The following SUGCT variants were observed in gnomAD, a reference collection of about 807,000 sequenced individuals.
SUGCT encodes succinyl-CoA:glutarate-CoA transferase, also known as succinyl-CoA:glutarate CoA-transferase.
SUGCT carries 41 observed loss-of-function variants against 55.0 expected under a neutral mutation model. That is an observed-to-expected ratio of 0.74 (90% CI 0.58 to 0.97). The LOEUF is 0.97. SUGCT is among the 50% of genes least tolerant of loss of function. SUGCT has a pLI of 0.00. For synonymous variants in SUGCT, 187 were observed against 200.4 expected (o/e 0.93, Z 0.56); for missense variants, 568 against 547.8 (o/e 1.04, Z -0.37).
chr7:40,938,600 C>T, the SUGCT span, among the ~76,000 whole-genome samples: 1 of 151,918 alleles, frequency 6.6e-6, no homozygotes, highest in Admixed American at 6.6e-5. Context: ...GCACCCATCA[C>T]TCAAATAGTG....
chr7:40,624,261 C>G (rs997202213), intron 12 of SUGCT, among the ~76,000 whole-genome samples: 1 of 152,136 alleles, frequency 6.6e-6, no homozygotes, highest in Non-Finnish European at 1.5e-5. Context: ...CTTTCTCCAC[C>G]AGGACCTTTT....
intron 12 of SUGCT, among the ~76,000 whole-genome samples, chr7:40,596,688 T>A (rs1454062347): frequency 1.3e-5 from 2 of 152,190 alleles, no homozygotes; most frequent in South Asian, 2.1e-4. Context: ...TGGATGGAGA[T>A]CTTCTTTCAG....
At chr7:40,189,809 A>G (rs1290706163) in intron 5 of SUGCT, among the ~76,000 whole-genome samples, 1 of 152,154 alleles carries the variant, frequency 6.6e-6, no homozygotes, top group Non-Finnish European at 1.5e-5. Context: ...GCTAGCTACT[A>G]TTGACTGAGC....
At chr7:40,939,498 T>C in the SUGCT span, among the ~76,000 whole-genome samples, 2 of 152,148 alleles carry the variant, frequency 1.3e-5, no homozygotes, top group African/African-American at 2.4e-5. Flanking sequence ...GTGCACTGAT[T>C]TATATTCCCA....
chr7:40,291,477 G>A (rs1343518971), intron 8 of SUGCT, among the ~76,000 whole-genome samples: 2 of 138,306 alleles, frequency 1.4e-5, no homozygotes, highest in African/African-American at 2.7e-5. Flanking sequence ...GACACAGGAA[G>A]GGGAACATCA....
At chr7:40,579,430 C>T (rs557394718) in intron 12 of SUGCT, among the ~76,000 whole-genome samples, 1 of 152,260 alleles carries the variant, frequency 6.6e-6, no homozygotes, top group African/African-American at 2.4e-5. Context: ...GCTTTCACCC[C>T]CACACGTCAG....
chr7:40,726,247 C>T (rs2128690795), intron 12 of SUGCT, among the ~76,000 whole-genome samples: 1 of 152,048 alleles, frequency 6.6e-6, no homozygotes, highest in South Asian at 2.1e-4. Flanking sequence ...CAATCACTAA[C>T]ATATATTTTA....
chr7:40,822,846 A>G (rs1203571), intron 13 of SUGCT, among the ~76,000 whole-genome samples: 10,812 of 152,184 alleles, frequency 0.071, 1,278 homozygotes, highest in African/African-American at 0.25. Flanking sequence ...GGGAAATACT[A>G]TGGGAGTTGG....
intron 9 of SUGCT, among the ~76,000 whole-genome samples, chr7:40,389,831 A>G (rs1157705681): frequency 6.6e-6 from 1 of 152,214 alleles, no homozygotes; most frequent in Admixed American, 6.5e-5. Flanking sequence ...GACACAACAA[A>G]AAAAGAGAAT....
At chr7:40,981,362 C>G in the SUGCT span, among the ~76,000 whole-genome samples, 4 of 152,102 alleles carry the variant, frequency 2.6e-5, no homozygotes, top group African/African-American at 7.2e-5. Flanking sequence ...TTTTCTGTCC[C>G]CTTTAGTTCA....
the SUGCT span, among the ~76,000 whole-genome samples, chr7:40,944,372 T>A: frequency 6.0e-5 from 9 of 150,606 alleles, no homozygotes; most frequent in Admixed American, 2.0e-4. Flanking sequence ...ATGTCCTGAA[T>A]GGTAATGCCT....
intron 12 of SUGCT, among the ~76,000 whole-genome samples, chr7:40,730,070 C>T (rs554129755): frequency 5.9e-5 from 9 of 152,240 alleles, no homozygotes; most frequent in East Asian, 3.9e-4. Flanking sequence ...AGGGGAATGA[C>T]GTGGTTGGAT....
intron 5 of SUGCT, among the ~76,000 whole-genome samples, chr7:40,194,030 G>C (rs1358333725): frequency 6.6e-6 from 1 of 152,060 alleles, no homozygotes; most frequent in South Asian, 2.1e-4. Context: ...CCGTAACAGC[G>C]GTCTGGGCAT....
rs2010706 is a variant in SUGCT at position 40,860,368 on chromosome 7, G to A, written c.1206G>A (p.Pro402=). The change falls in exon 14 of 14, where the codon CCG becomes CCA. Residue 402 remains proline, a synonymous_variant. Coordinates refer to ENST00000335693, the MANE Select transcript of SUGCT (RefSeq NM_001193313.2). The part of the protein sequence containing the change: ...KFKMSEARPP[P]LLGQHTTHIL... ...AGATGTCAGAGGCCAGGCCGCCCCCGCTGCTCGGGCAGCACACAACGCACA... is the reference window on the plus strand; with the variant it reads ...AGATGTCAGAGGCCAGGCCGCCCCCACTGCTCGGGCAGCACACAACGCACA... The A allele has an allele frequency of 8.6e-5, 138 of 1,613,792 alleles. 3 individuals carry two copies. In the South Asian group the frequency reaches 1.2e-3, roughly 14 times the overall value.
chr7:40,428,394 G>A (rs879915158), intron 9 of SUGCT, among the ~76,000 whole-genome samples: 4 of 152,070 alleles, frequency 2.6e-5, no homozygotes, highest in Non-Finnish European at 5.9e-5. Flanking sequence ...AATAGGGAAG[G>A]ACTTACCTTG....
intron 8 of SUGCT, among the ~76,000 whole-genome samples, chr7:40,287,500 CTTT>C (rs113244843): frequency 6.9e-6 from 1 of 144,008 alleles, no homozygotes. Context: ...CCTTGATACT[CTTT>C]TTTTTTTTTT....
At chr7:40,707,600 A>G (rs757986687) in intron 12 of SUGCT, among the ~76,000 whole-genome samples, 8 of 152,200 alleles carry the variant, frequency 5.3e-5, no homozygotes, top group Non-Finnish European at 1.2e-4. Context: ...TTTTTTGGAT[A>G]TGATCCTTAA....
the SUGCT span, among the ~76,000 whole-genome samples, chr7:41,004,991 G>C: frequency 2.6e-5 from 4 of 152,118 alleles, no homozygotes; most frequent in South Asian, 8.3e-4. Context: ...AATGGAAAAA[G>C]TAAACATTGA....
chr7:40,904,683 T>A, the SUGCT span, among the ~76,000 whole-genome samples: 1 of 152,170 alleles, frequency 6.6e-6, no homozygotes, highest in Non-Finnish European at 1.5e-5. Flanking sequence ...GTTGAGATGA[T>A]ACATGTTAAG....
Sources: gnomAD v4.1 joint callset for allele counts (sites outside exome capture counted in the v4.1 genomes callset) on GRCh38, gnomAD v4.1.1 for gene constraint, MANE v1.5 for transcripts, NCBI Gene and HGNC (gene_info 2026-07-23, HGNC 2026-07-21) for gene names.